Variants in ECT2 observed in about 807,000 individuals in gnomAD.
ECT2 encodes epithelial cell transforming 2, also known as protein ECT2.
In ECT2, 61 loss-of-function variants were observed where a neutral mutation model predicts 116.9. The ratio of observed to expected loss-of-function variants is 0.52; its 90% CI spans 0.42 to 0.65. The LOEUF is 0.65. Among genes scored for constraint, ECT2 ranks in the 30% least tolerant of loss-of-function variants. ECT2 has a pLI of 0.00. For missense variants in ECT2, 937 were observed against 1,078.7 expected (o/e 0.87, Z 1.84); for synonymous variants, 358 against 346.4 (o/e 1.03, Z -0.37).
chr3:172,802,086 CTATG>C (rs1426273455), intron 18 of ECT2, among the ~76,000 whole-genome samples: 1 of 148,782 alleles, frequency 6.7e-6, no homozygotes, highest in Non-Finnish European at 1.5e-5. Context: ...CTGAAGGAGT[CTATG>C]GATGTTTTGT....
intron 11 of ECT2, 107 bp from the exon 12 acceptor site, chr3:172,764,171 T>C (rs1718872038): frequency 1.0e-6 from 1 of 963,770 alleles, no homozygotes; most frequent in African/African-American, 1.6e-5. Context: ...TATAAAATTA[T>C]TGTGCAAAAT....
At chr3:172,753,225 G>C (rs917939661) in intron 1 of ECT2, among the ~76,000 whole-genome samples, 1 of 151,980 alleles carries the variant, frequency 6.6e-6, no homozygotes, top group African/African-American at 2.4e-5. Flanking sequence ...TCAGCCTCTT[G>C]AGTAGCTACT....
intron 23 of ECT2, among the ~76,000 whole-genome samples, chr3:172,816,461 C>A (rs952564378): frequency 6.6e-6 from 1 of 152,018 alleles, no homozygotes; most frequent in Non-Finnish European, 1.5e-5. Flanking sequence ...CTCTTCTCTC[C>A]CAGGCTAGAT....
chr3:172,828,149 C>T, the ECT2 span, among the ~76,000 whole-genome samples: 1 of 152,086 alleles, frequency 6.6e-6, no homozygotes, highest in Non-Finnish European at 1.5e-5. Context: ...CATTGAAATA[C>T]TTAAGAATAA....
downstream of ECT2, among the ~76,000 whole-genome samples, chr3:172,824,754 T>G (rs910329434): frequency 2.0e-5 from 3 of 152,256 alleles, no homozygotes; most frequent in Non-Finnish European, 4.4e-5. Context: ...TACTCCACTG[T>G]GTGAGTGGAC....
At position 172,762,480 on chromosome 3, in the gene ECT2, A is replaced by G. The variant is rs372627044; in HGVS notation, c.823A>G (p.Ile275Val). 2 of 1,598,582 alleles carry G rather than the reference A, an allele frequency of 1.3e-6. No homozygotes were observed. Among genetic ancestry groups the G allele is most frequent in the Non-Finnish European group, 1.7e-6 (2 of 1,176,560 alleles). Residue 275 changes from isoleucine to valine, a missense_variant, in exon 9 of 25, where the codon ATT becomes GTT. By Grantham distance (29) the Ile-to-Val change is conservative. Transcript: ENST00000392692. ...TAAAGTTCCTCCATTTCAAGATTGT[A>G]TTTTAAGTTTCCTGGGATTTTCAGA... Reference protein sequence around the residue: ...EFKVPPFQDCILSFLGFSDEE... With the variant: ...EFKVPPFQDCVLSFLGFSDEE...
At chr3:172,826,647 T>C in the ECT2 span, among the ~76,000 whole-genome samples, 1 of 152,216 alleles carries the variant, frequency 6.6e-6, no homozygotes, top group Admixed American at 6.5e-5. Context: ...GAGAAATCTT[T>C]CATGAGAGGA....
intron 21 of ECT2, chr3:172,806,250 G>A (rs1004377640): frequency 6.2e-6 from 1 of 160,216 alleles, no homozygotes; most frequent in African/African-American, 2.4e-5. Context: ...CACTTTCACT[G>A]TTGGCCAACA....
At chr3:172,792,086 C>G (rs1724779742) in intron 18 of ECT2, among the ~76,000 whole-genome samples, 2 of 152,164 alleles carry the variant, frequency 1.3e-5, no homozygotes, top group East Asian at 3.8e-4. Flanking sequence ...CACACACACA[C>G]TTATCAATTA....
intron 14 of ECT2, among the ~76,000 whole-genome samples, chr3:172,777,249 C>G (rs1404048870): frequency 6.6e-6 from 1 of 152,164 alleles, no homozygotes; most frequent in Admixed American, 6.5e-5. Flanking sequence ...ATAATAATAA[C>G]TGACTCATGA....
intron 20 of ECT2, among the ~76,000 whole-genome samples, chr3:172,804,121 A>G (rs1429137822): frequency 6.6e-6 from 1 of 152,058 alleles, no homozygotes; most frequent in Admixed American, 6.6e-5. Flanking sequence ...CTTTTTCTTT[A>G]AAGTCTTATA....
At chr3:172,768,035 A>C (rs542443061) in intron 12 of ECT2, among the ~76,000 whole-genome samples, 2 of 152,068 alleles carry the variant, frequency 1.3e-5, no homozygotes, top group African/African-American at 2.4e-5. Flanking sequence ...CCTGGCCGCA[A>C]ATTTTTTTCT....
In ECT2 at chr3:172,762,843, A is replaced by G. The variant is rs1718589861; in HGVS notation, c.1005+37A>G. On this transcript the variant is annotated intron_variant, in intron 10 of 24. Transcript: ENST00000392692. ...TAGAATGAGGTTGGTTTTTAAAAACACTATTAATAGCTTCTCTGATAAAAT... is the reference window on the plus strand; with the variant it reads ...TAGAATGAGGTTGGTTTTTAAAAACGCTATTAATAGCTTCTCTGATAAAAT... 7 of 1,608,798 alleles carry G rather than the reference A, an allele frequency of 4.4e-6. No individual in the cohort carries two copies. In the South Asian group the frequency reaches 4.4e-5, roughly 10 times the overall value.
In ECT2 at chr3:172,802,913, C is replaced by G. The variant is rs778243930; in HGVS notation, c.2039C>G (p.Ser680Cys). 6.2e-7 allele frequency: 1 copy of G among 1,613,324 alleles called. No individual in the cohort carries two copies. The highest frequency in any genetic ancestry group is 8.5e-7 in the Non-Finnish European group (1 of 1,179,528). ...TTAGTACAGCGGGTTGAAACAATTT[C>G]TCTAGGTGAGCACCCCTGTGACAGA... ...RSLVQRVETI[S>C]LGEHPCDRGE... The change falls in exon 20 of 25, where the codon TCT (serine) becomes TGT (cysteine). Residue 680 changes from serine (S) to cysteine (C), a missense_variant. Physicochemically the swap from Ser to Cys is moderately radical, Grantham distance 112 (BLOSUM62 -1). Transcript: ENST00000392692.
At chr3:172,818,381 A>G (rs1236464878) in intron 24 of ECT2, 9 of 318,836 alleles carry the variant, frequency 2.8e-5, no homozygotes, top group East Asian at 1.5e-4. Context: ...AACTATTGTA[A>G]ACATTTTCAT....
At chr3:172,769,927 G>A (rs1284677126) in intron 13 of ECT2, among the ~76,000 whole-genome samples, 2 of 152,112 alleles carry the variant, frequency 1.3e-5, no homozygotes, top group Non-Finnish European at 2.9e-5. Context: ...TTTCTGATTT[G>A]GGTTTAGTTT....
At chr3:172,812,236 C>A (rs764871489) in intron 22 of ECT2, among the ~76,000 whole-genome samples, 1 of 152,162 alleles carries the variant, frequency 6.6e-6, no homozygotes, top group Admixed American at 6.5e-5. Context: ...GATCTGCCCC[C>A]CTGGGGGCCT....
intron 17 of ECT2, among the ~76,000 whole-genome samples, chr3:172,785,970 A>T (rs1723534011): frequency 6.6e-6 from 1 of 152,218 alleles, no homozygotes; most frequent in Non-Finnish European, 1.5e-5. Context: ...TTAGGTGGAC[A>T]GTGGTACTAG....
chr3:172,798,801 C>A (rs1726205484), intron 18 of ECT2, among the ~76,000 whole-genome samples: 1 of 152,092 alleles, frequency 6.6e-6, no homozygotes, highest in Non-Finnish European at 1.5e-5. Context: ...TAATAGAAAT[C>A]TGCTCTCTCT....
Sources: gnomAD v4.1 joint callset for allele counts (sites outside exome capture counted in the v4.1 genomes callset) on GRCh38, gnomAD v4.1.1 for gene constraint, MANE v1.5 for transcripts, NCBI Gene and HGNC (gene_info 2026-07-23, HGNC 2026-07-21) for gene names.